Variants in PCDH11X observed in about 807,000 individuals in gnomAD.
The protein encoded by PCDH11X is protocadherin 11 X-linked.
A neutral mutation model predicts 53.3 loss-of-function variants in PCDH11X; 18 were observed. That is an observed-to-expected ratio of 0.34 (90% CI 0.23 to 0.50). PCDH11X has a LOEUF of 0.50. Ranked by LOEUF, PCDH11X falls within the 20% of genes least tolerant of loss-of-function variation. PCDH11X has a pLI of 0.98. For synonymous variants in PCDH11X, 279 were observed against 393.3 expected (o/e 0.71, Z 3.44); for missense variants, 570 against 1,032.4 (o/e 0.55, Z 6.14).
At chrX:91,941,995 G>A (rs1022952772) in intron 6 of PCDH11X, among the ~76,000 whole-genome samples, 1 of 110,023 alleles carries the variant, frequency 9.1e-6, no homozygotes, top group African/African-American at 3.3e-5. Context: ...GAATGGAAAT[G>A]GAAAAATCAA....
At chrX:92,307,895 C>T (rs1490522456) in intron 8 of PCDH11X, among the ~76,000 whole-genome samples, 11 of 109,229 alleles carry the variant, frequency 1.0e-4, no homozygotes, top group African/African-American at 3.7e-4. Flanking sequence ...TTTGAGAAAG[C>T]AATACCATTT....
chrX:92,323,947 C>T (rs111913373), intron 8 of PCDH11X, among the ~76,000 whole-genome samples: 14,346 of 107,164 alleles, frequency 0.13, 750 homozygotes, highest in African/African-American at 0.18. Flanking sequence ...GTTAAAAATA[C>T]AATTCAATAA....
Position 91,782,940 on chromosome X carries a change from A to G in PCDH11X, c.-379+3256A>G, listed in dbSNP as rs772119882. ...AGAATGCAGTTGGAGAAGGTTGCAC[A>G]GGGCAAGAGGGAGGGGCAGAGGCAG... On this transcript the variant is annotated intron_variant, in intron 1 of 10. Coordinates refer to ENST00000682573, the MANE Select transcript of PCDH11X (RefSeq NM_032968.5). Among the ~76,000 whole-genome samples the G allele has an allele frequency of 3.6e-5, 4 of 111,476 alleles. No homozygotes were observed. In the East Asian group the frequency reaches 8.5e-4, roughly 24 times the overall value.
At chrX:91,873,360 T>C (rs2147718976) in intron 5 of PCDH11X, among the ~76,000 whole-genome samples, 1 of 109,632 alleles carries the variant, frequency 9.1e-6, no homozygotes, top group African/African-American at 3.3e-5. Flanking sequence ...ATTAATCTAA[T>C]TCATTTAATT....
At chrX:92,454,053 T>A (rs1287268524) in intron 9 of PCDH11X, among the ~76,000 whole-genome samples, 16 of 101,632 alleles carry the variant, frequency 1.6e-4, no homozygotes, top group Admixed American at 1.1e-3. Flanking sequence ...AGAAGTGAAA[T>A]TAGTTACACA....
intron 7 of PCDH11X, among the ~76,000 whole-genome samples, chrX:92,248,762 CTCCGCCTCCTGGGTTCAAGCAAT>C (rs985221140): frequency 1.6e-4 from 18 of 111,390 alleles, no homozygotes; most frequent in African/African-American, 4.9e-4. Flanking sequence ...GCGATCTTGG[CTCCGCCTCCTGGGTTCAAGCAAT>C]TCCGCCTCCT....
Position 92,621,048 on chromosome X carries a change from G to A in PCDH11X, c.*2108G>A, listed in dbSNP as rs1489218421. On this transcript the variant is annotated 3_prime_UTR_variant, in exon 11 of 11. Transcript: ENST00000682573. ...GAACATTCTTTGCCTCAAAAAACCT[G>A]CAAAGATGATGTGAGATTTTTTCTT... is the stretch of plus-strand genomic sequence containing the variant. 2.9e-5 allele frequency: 3 copies of A among 104,366 alleles called. No individual in the cohort carries two copies. Among genetic ancestry groups the A allele is most frequent in the Non-Finnish European group, 5.8e-5 (3 of 51,472 alleles). The allele number at this position is 104,366 out of a possible 1,213,427, so 8.6% of individuals were successfully genotyped here.
intron 4 of PCDH11X, among the ~76,000 whole-genome samples, chrX:91,823,178 T>C (rs1479348991): frequency 9.0e-6 from 1 of 110,575 alleles, no homozygotes. Context: ...GTTCTGTAGA[T>C]GTCTATTAGG....
chrX:92,290,911 T>C (rs1015555148), intron 8 of PCDH11X, among the ~76,000 whole-genome samples: 1 of 106,413 alleles, frequency 9.4e-6, no homozygotes, highest in Non-Finnish European at 1.9e-5. Context: ...TTGTCTTTTT[T>C]TTTTTTTTGA....
chrX:91,877,788 T>C lies in PCDH11X; in HGVS notation c.1548T>C (p.Asp516=), dbSNP rs755050283. The change falls in exon 6 of 11, where the codon GAT becomes GAC. Residue 516 remains aspartate, a synonymous_variant. Transcript: ENST00000682573. ...ATGCTCCACCTGAATTCAGCCTGGA[T>C]TGTCGTACAGGCATGCTGACTGTAG... The part of the protein sequence containing the change: ...GPDAPPEFSL[D]CRTGMLTVVK... 3.5e-5 allele frequency: 42 copies of C among 1,209,672 alleles called. No homozygotes were observed. The South Asian group carries it at 5.5e-4, about 16-fold the overall frequency.
chrX:91,821,813 T>A (rs1264692910), intron 4 of PCDH11X, among the ~76,000 whole-genome samples: 1 of 99,726 alleles, frequency 1.0e-5, no homozygotes, highest in Non-Finnish European at 2.0e-5. Flanking sequence ...TGTGGGTTTG[T>A]CATAGATAGC....
Position 92,375,165 on chromosome X carries a change from TA to T in PCDH11X, c.3145-12569del, listed in dbSNP as rs1387729679. ...ATTTATATATATATATATATATATA[TA>T]TTTTTTTTTTTTTTTTTTTTTTTTT... On this transcript the variant is annotated intron_variant, in intron 8 of 10. Coordinates refer to ENST00000682573, the MANE Select transcript of PCDH11X (RefSeq NM_032968.5). 8.6e-4 allele frequency among the ~76,000 whole-genome samples: 17 copies of T among 19,880 alleles called. No homozygotes were observed. In the East Asian group the frequency reaches 0.014, roughly 16 times the overall value. The allele number at this position is 19,880 out of a possible 115,157, so 17.3% of individuals were successfully genotyped here. A position where few individuals can be genotyped will look rare whatever the true frequency, so the allele number is the denominator to read the frequency against.
chrX:92,546,783 G>A (rs1458536490), intron 10 of PCDH11X, among the ~76,000 whole-genome samples: 3 of 111,588 alleles, frequency 2.7e-5, no homozygotes, highest in Non-Finnish European at 5.6e-5. Flanking sequence ...ATTTACGCAA[G>A]TATATTCCCT....
intron 6 of PCDH11X, chrX:92,114,321 G>A: frequency 3.1e-6 from 3 of 982,331 alleles, no homozygotes; most frequent in Non-Finnish European, 4.4e-6. Flanking sequence ...CATAGGCATA[G>A]ATGTCACGGA....
At chrX:91,818,714 G>A (rs1255612444) in intron 4 of PCDH11X, among the ~76,000 whole-genome samples, 2 of 105,753 alleles carry the variant, frequency 1.9e-5, no homozygotes, top group Non-Finnish European at 3.9e-5. Flanking sequence ...AAAAAAAAAT[G>A]TATTGGTATG....
chrX:91,840,397 C>A, intron 5 of PCDH11X, among the ~76,000 whole-genome samples: 1 of 111,350 alleles, frequency 9.0e-6, no homozygotes, highest in South Asian at 3.8e-4. Flanking sequence ...TACTCAAGGC[C>A]TTCCCTTGTT....
chrX:92,487,048 C>CTTTTTTTTTTTTTT (rs758641899), intron 10 of PCDH11X, among the ~76,000 whole-genome samples: 1 of 67,836 alleles, frequency 1.5e-5, no homozygotes, highest in African/African-American at 6.3e-5. Context: ...AATATGCTTC[C>CTTTTTTTTTTTTTT]TTTTTTTTTT....
At chrX:92,174,737 G>A (rs1018856463) in intron 6 of PCDH11X, among the ~76,000 whole-genome samples, 3 of 111,583 alleles carry the variant, frequency 2.7e-5, no homozygotes, top group Non-Finnish European at 5.6e-5. Flanking sequence ...TTATATTTCT[G>A]AGGTCTCTTG....
chrX:92,484,209 ATATATATGTATATATG>A (rs1272455500), intron 10 of PCDH11X, among the ~76,000 whole-genome samples: 21 of 73,187 alleles, frequency 2.9e-4, no homozygotes, highest in African/African-American at 8.5e-4. Context: ...GTATATATGT[ATATATATGTATATATG>A]TATATATGTA....
Sources: gnomAD v4.1 joint callset for allele counts (sites outside exome capture counted in the v4.1 genomes callset) on GRCh38, gnomAD v4.1.1 for gene constraint, MANE v1.5 for transcripts, NCBI Gene and HGNC (gene_info 2026-07-23, HGNC 2026-07-21) for gene names.